Variants in THUMPD3 observed in about 807,000 individuals in gnomAD.
THUMPD3 encodes the protein tRNA (guanine(6)-N(2))-methyltransferase THUMP3.
THUMPD3 carries 44 observed loss-of-function variants against 54.5 expected under a neutral mutation model. That is an observed-to-expected ratio of 0.81 (90% CI 0.63 to 1.04). THUMPD3 has a LOEUF of 1.04. Ranked by LOEUF, THUMPD3 falls within the 50% of genes least tolerant of loss-of-function variation. The probability of loss-of-function intolerance (pLI) is 0.00; values close to 1 mark genes in which losing one functional copy is unlikely to be tolerated. For missense variants in THUMPD3, 604 were observed against 601.3 expected (o/e 1.00, Z -0.05); for synonymous variants, 196 against 201.4 (o/e 0.97, Z 0.23).
rs768546814 is a variant in THUMPD3 at position 9,384,681 on chromosome 3, A to G, written c.1517A>G (p.Lys506Arg). The change falls in exon 10 of 10, where the codon AAA becomes AGA. Residue 506 changes from lysine to arginine, a missense_variant. Physicochemically the swap from Lys to Arg is conservative, Grantham distance 26 (BLOSUM62 2). Coordinates refer to ENST00000452837, the MANE Select transcript of THUMPD3 (RefSeq NM_001114092.2). ...DGERGTLWQC[K>R]E Reference sequence around the variant, plus strand: ...GAAAGAGGAACTCTTTGGCAATGCAAAGAATGAAGATGACTAATAGTACTT... The same window carrying G: ...GAAAGAGGAACTCTTTGGCAATGCAGAGAATGAAGATGACTAATAGTACTT... 7 of 1,614,084 alleles carry G rather than the reference A, an allele frequency of 4.3e-6. No homozygotes were observed. In the East Asian group the frequency reaches 1.6e-4, roughly 36 times the overall value.
chr3:9,372,413 C>T (rs2032123916), intron 4 of THUMPD3, among the ~76,000 whole-genome samples: 1 of 151,996 alleles, frequency 6.6e-6, no homozygotes, highest in African/African-American at 2.4e-5. Context: ...AACCCTGTCT[C>T]TACTAAAAAT....
At chr3:9,365,623 T>C (rs1394454445) in intron 2 of THUMPD3, among the ~76,000 whole-genome samples, 1 of 152,012 alleles carries the variant, frequency 6.6e-6, no homozygotes, top group East Asian at 1.9e-4. Flanking sequence ...GACAGAGTCT[T>C]GCTCTGTCAT....
chr3:9,378,302 T>G (rs1407969257), intron 6 of THUMPD3, among the ~76,000 whole-genome samples: 1 of 152,220 alleles, frequency 6.6e-6, no homozygotes, highest in East Asian at 1.9e-4. Flanking sequence ...AGGGGAAACT[T>G]ATGAACATTA....
intron 7 of THUMPD3, among the ~76,000 whole-genome samples, chr3:9,381,494 G>T (rs537414259): frequency 5.3e-5 from 8 of 152,062 alleles, no homozygotes; most frequent in Non-Finnish European, 1.2e-4. Flanking sequence ...TGATGCTGCT[G>T]GTCTATGTAT....
chr3:9,380,306 T>C (rs1038018601), intron 6 of THUMPD3, among the ~76,000 whole-genome samples, 197 bp from the exon 7 acceptor site: 1 of 152,070 alleles, frequency 6.6e-6, no homozygotes, highest in Non-Finnish European at 1.5e-5. Context: ...AGGTTTGAGC[T>C]GGGTCTTAAG....
In THUMPD3 at chr3:9,382,030, A is replaced by G. The variant is rs780883938; in HGVS notation, c.1125-1169A>G. 1.1e-4 allele frequency among the ~76,000 whole-genome samples: 17 copies of G among 151,034 alleles called. No homozygotes were observed. In the South Asian group the frequency reaches 1.3e-3, roughly 11 times the overall value. On this transcript the variant is annotated intron_variant, in intron 7 of 9. Coordinates refer to ENST00000452837, the MANE Select transcript of THUMPD3 (RefSeq NM_001114092.2). ...AATCTCCTGACCTCATGATCTGCCCACCTTGGCCTCCCAAAGTGCTGGGAT... is the reference window on the plus strand; with the variant it reads ...AATCTCCTGACCTCATGATCTGCCCGCCTTGGCCTCCCAAAGTGCTGGGAT...
Position 9,371,334 on chromosome 3 carries a change from G to T in THUMPD3, c.605G>T (p.Gly202Val), listed in dbSNP as rs1217257891. 5 of 1,614,126 alleles carry T rather than the reference G, an allele frequency of 3.1e-6. No homozygotes were observed. Among genetic ancestry groups the T allele is most frequent in the Non-Finnish European group, 4.2e-6 (5 of 1,180,020 alleles). Reference protein sequence around the residue: ...AIKEDVSTLIGDDLASCKDET... With the variant: ...AIKEDVSTLIVDDLASCKDET... Reference sequence around the variant, plus strand: ...AAAGAGGATGTATCAACATTAATAGGTGATGATTTGGCATCTTGCAAAGAT... The same window carrying T: ...AAAGAGGATGTATCAACATTAATAGTTGATGATTTGGCATCTTGCAAAGAT... Residue 202 changes from glycine (G) to valine (V), a missense_variant, in exon 4 of 10, where the codon GGT (glycine) becomes GTT (valine). Gly to Val is a moderately radical substitution (Grantham distance 109). Coordinates refer to ENST00000452837, the MANE Select transcript of THUMPD3 (RefSeq NM_001114092.2).
At chr3:9,366,622 G>T (rs2031586304) in intron 2 of THUMPD3, among the ~76,000 whole-genome samples, 1 of 152,166 alleles carries the variant, frequency 6.6e-6, no homozygotes, top group South Asian at 2.1e-4. Context: ...ATATGATACA[G>T]CCCACCTGAG....
In THUMPD3 at chr3:9,381,800, G is replaced by A. The variant is rs1330108406; in HGVS notation, c.1124+1182G>A. ...TTTTTTTTTTTTTTTTTTTTTTTGA[G>A]ACGGAGTCTCACTCTGTCGCCCAGG... On this transcript the variant is annotated intron_variant, in intron 7 of 9. Coordinates refer to ENST00000452837, the MANE Select transcript of THUMPD3 (RefSeq NM_001114092.2). Among the ~76,000 whole-genome samples the A allele has an allele frequency of 4.4e-5, 3 of 68,020 alleles. No homozygotes were observed. The Admixed American group carries it at 8.5e-4, about 19-fold the overall frequency. 44.6% of individuals were successfully genotyped at this position (68,020 alleles called of 152,430 possible).
chr3:9,372,730 C>T (rs927633684), intron 4 of THUMPD3, among the ~76,000 whole-genome samples: 1 of 152,158 alleles, frequency 6.6e-6, no homozygotes. Flanking sequence ...TATTTACTTT[C>T]CTTGGTCTTA....
At chr3:9,383,386 A>G (rs948463948) in intron 8 of THUMPD3, 77 bp downstream of exon 8, 2 of 1,178,560 alleles carry the variant, frequency 1.7e-6, no homozygotes, top group African/African-American at 3.0e-5. Flanking sequence ...CAGGAAAAAA[A>G]TCTTGAATTT....
At chr3:9,378,870 T>C (rs1252617586) in intron 6 of THUMPD3, among the ~76,000 whole-genome samples, 1 of 152,116 alleles carries the variant, frequency 6.6e-6, no homozygotes, top group Non-Finnish European at 1.5e-5. Context: ...GAGTGTTGTT[T>C]TCTAGTATGA....
At chr3:9,384,494 CTAAT>C (rs781350816) in intron 9 of THUMPD3, 26 bp from the exon 10 acceptor site, 7 of 1,612,326 alleles carry the variant, frequency 4.3e-6, no homozygotes, top group Admixed American at 3.3e-5. Context: ...GATTGTCAAC[CTAAT>C]TGTTATTTTT....
chr3:9,373,614 T>C (rs926367098), intron 4 of THUMPD3, among the ~76,000 whole-genome samples: 1 of 152,242 alleles, frequency 6.6e-6, no homozygotes, highest in African/African-American at 2.4e-5. Context: ...ATGTGTAGAA[T>C]AGTGCTTTGC....
Position 9,383,426 on chromosome 3 carries a change from TAAC to T in THUMPD3, c.1235+122_1235+124del, listed in dbSNP as rs1400538720. ...AGACTTAGCAGAGCTGTTTTTCACTTAACAACATGATGGATTCACCCATTATGT... is the reference window on the plus strand; with the variant it reads ...AGACTTAGCAGAGCTGTTTTTCACTTAACATGATGGATTCACCCATTATGT... On this transcript the variant is annotated intron_variant, in intron 8 of 9. Coordinates refer to ENST00000452837, the MANE Select transcript of THUMPD3 (RefSeq NM_001114092.2). The T allele has an allele frequency of 1.1e-4, 73 of 681,154 alleles. No individual in the cohort carries two copies. In the East Asian group the frequency reaches 1.9e-3, roughly 18 times the overall value. 42.2% of individuals were successfully genotyped at this position (681,154 alleles called of 1,614,324 possible). A position where few individuals can be genotyped will look rare whatever the true frequency, so the allele number is the denominator to read the frequency against.
Position 9,384,508 on chromosome 3 carries a change from T to C in THUMPD3, c.1360-16T>C. The C allele has an allele frequency of 6.2e-7, 1 of 1,613,864 alleles. No homozygotes were observed. Among genetic ancestry groups the C allele is most frequent in the South Asian group, 1.1e-5 (1 of 91,030 alleles). ...AGATTGTCAACCTAATTGTTATTTT[T>C]TTTGTGTGTACACAGGCGTTATCTG... On this transcript the variant is annotated splice_polypyrimidine_tract_variant and intron_variant, in intron 9 of 9. Transcript: ENST00000452837.
chr3:9,367,791 C>T (rs1011693784), intron 3 of THUMPD3, among the ~76,000 whole-genome samples: 2 of 152,260 alleles, frequency 1.3e-5, no homozygotes, highest in Admixed American at 6.5e-5. Context: ...AAGGGCCTGG[C>T]GTGGTGGCTC....
At chr3:9,365,837 G>A (rs1404413831) in intron 2 of THUMPD3, among the ~76,000 whole-genome samples, 1 of 151,942 alleles carries the variant, frequency 6.6e-6, no homozygotes, top group Non-Finnish European at 1.5e-5. Context: ...TGATCCACCC[G>A]CCTCGACCTC....
At chr3:9,382,936 C>T in intron 7 of THUMPD3, 1 of 333,554 alleles carries the variant, frequency 3.0e-6, no homozygotes, top group Non-Finnish European at 5.7e-6. Flanking sequence ...CACAGTGTTG[C>T]TCAGCTGGTC....
Sources: allele counts gnomAD v4.1 joint callset (sites outside exome capture counted in the v4.1 genomes callset), GRCh38; gene constraint gnomAD v4.1.1; transcripts MANE v1.5; gene names NCBI Gene and HGNC (gene_info 2026-07-23, HGNC 2026-07-21).